SPMIP9: variants seen among roughly 807,000 people sequenced by gnomAD.
SPMIP9 encodes protein SPMIP9.
At chr2:88,527,616 A>G in the SPMIP9 span, among the ~76,000 whole-genome samples, 1 of 152,186 alleles carries the variant, frequency 6.6e-6, no homozygotes, top group Admixed American at 6.5e-5. Flanking sequence ...GCTGCATAGT[A>G]TTACATTGCA....
the SPMIP9 span, chr2:88,529,152 C>T: frequency 1.7e-5 from 28 of 1,614,144 alleles, no homozygotes; most frequent in East Asian, 3.1e-4. Context: ...TTCAAAAGAC[C>T]CCACATGACT....
the SPMIP9 span, chr2:88,525,593 T>C: frequency 2.0e-4 from 317 of 1,613,008 alleles, 1 homozygote; most frequent in African/African-American, 3.7e-3. Context: ...CTACTTTCCT[T>C]GTCTGTGGCA....
At chr2:88,525,130 G>A in the SPMIP9 span, among the ~76,000 whole-genome samples, 7 of 152,172 alleles carry the variant, frequency 4.6e-5, no homozygotes, top group African/African-American at 1.7e-4. Context: ...GCTGAGGCCT[G>A]GTTCAGAGGA....
chr2:88,525,279 A>G, the SPMIP9 span, among the ~76,000 whole-genome samples: 3 of 152,252 alleles, frequency 2.0e-5, no homozygotes, highest in African/African-American at 7.2e-5. Flanking sequence ...AAATTGGCAG[A>G]TGCTATAAAC....
the SPMIP9 span, chr2:88,529,077 G>A: frequency 1.6e-5 from 26 of 1,612,996 alleles, no homozygotes; most frequent in East Asian, 4.5e-5. Flanking sequence ...GCTCAACTCC[G>A]GGACAAAGAG....
At chr2:88,529,511 G>A in the SPMIP9 span, 1 of 1,553,002 alleles carries the variant, frequency 6.4e-7, no homozygotes, top group African/African-American at 1.4e-5. Flanking sequence ...TCTTCCAAGG[G>A]CATGTGGAAA....
the SPMIP9 span, among the ~76,000 whole-genome samples, chr2:88,527,048 C>T: frequency 6.6e-6 from 1 of 152,146 alleles, no homozygotes; most frequent in Non-Finnish European, 1.5e-5. Context: ...GTTAAAATTA[C>T]ACTGATAAAC....
chr2:88,529,461 C>A, the SPMIP9 span: 1 of 1,611,856 alleles, frequency 6.2e-7, no homozygotes. Flanking sequence ...CCCTTGATGC[C>A]ATTTTACCAG....
chr2:88,526,596 T>A, the SPMIP9 span: 2 of 879,764 alleles, frequency 2.3e-6, no homozygotes, highest in Middle Eastern at 2.1e-4. Context: ...GGGCCCTTGT[T>A]AGAACAATAT....
the SPMIP9 span, among the ~76,000 whole-genome samples, chr2:88,527,753 T>TC: frequency 2.4e-4 from 37 of 152,296 alleles, no homozygotes; most frequent in South Asian, 6.0e-3. Context: ...ATAAGTCACA[T>TC]CCTAATGTTC....
chr2:88,524,970 C>T, the SPMIP9 span, among the ~76,000 whole-genome samples: 1 of 152,108 alleles, frequency 6.6e-6, no homozygotes, highest in Non-Finnish European at 1.5e-5. Flanking sequence ...GACTTCAGGG[C>T]TGGAAGGGAG....
the SPMIP9 span, among the ~76,000 whole-genome samples, chr2:88,526,796 G>C: frequency 6.6e-6 from 1 of 152,020 alleles, no homozygotes; most frequent in Non-Finnish European, 1.5e-5. Flanking sequence ...AACTTCCTGA[G>C]TAGCTGGGAT....
chr2:88,527,081 G>A, the SPMIP9 span, among the ~76,000 whole-genome samples: 6,600 of 152,208 alleles, frequency 0.043, 187 homozygotes, highest in Non-Finnish European at 0.055. Context: ...ATTACAGACC[G>A]CTTAAAACAT....
chr2:88,529,505 C>T, the SPMIP9 span: 1 of 1,570,386 alleles, frequency 6.4e-7, no homozygotes, highest in Non-Finnish European at 8.7e-7. Flanking sequence ...AAAGGCTCTT[C>T]CAAGGGCATG....
At chr2:88,525,605 A>G in the SPMIP9 span, 3 of 1,614,000 alleles carry the variant, frequency 1.9e-6, no homozygotes, top group South Asian at 3.3e-5. Context: ...TCTGTGGCAG[A>G]GCAGGGCTAA....
chr2:88,526,623 T>C, the SPMIP9 span: 7 of 743,312 alleles, frequency 9.4e-6, no homozygotes, highest in East Asian at 1.1e-4. Context: ...CCAGGAGATA[T>C]GACTTAGAGA....
the SPMIP9 span, among the ~76,000 whole-genome samples, chr2:88,525,419 C>G: frequency 6.6e-6 from 1 of 152,184 alleles, no homozygotes; most frequent in African/African-American, 2.4e-5. Flanking sequence ...GCCCTCATTC[C>G]TCCTGAGTCC....
chr2:88,529,277 C>T, the SPMIP9 span: 1 of 1,614,206 alleles, frequency 6.2e-7, no homozygotes. Flanking sequence ...TTCCCACGAT[C>T]TGCACCTGGC....
the SPMIP9 span, chr2:88,529,020 C>T: frequency 3.2e-6 from 5 of 1,586,496 alleles, no homozygotes; most frequent in African/African-American, 4.0e-5. Flanking sequence ...GTCTCTCTCA[C>T]CCCTCCATTC....
Sources: gnomAD v4.1 joint callset for allele counts (sites outside exome capture counted in the v4.1 genomes callset) on GRCh38, gnomAD v4.1.1 for gene constraint, MANE v1.5 for transcripts, NCBI Gene and HGNC (gene_info 2026-07-23, HGNC 2026-07-21) for gene names.